Variants in DSCAML1 observed in about 807,000 individuals in gnomAD.
DSCAML1 encodes the protein DS cell adhesion molecule like 1, also known as cell adhesion molecule DSCAML1.
In DSCAML1, 38 loss-of-function variants were observed where a neutral mutation model predicts 200.5. The observed-to-expected ratio is 0.19, with a 90% CI of 0.15 to 0.25. The LOEUF (loss-of-function observed/expected upper bound fraction) is 0.25, where lower values mean the gene tolerates loss of function less well. Ranked by LOEUF, DSCAML1 falls within the 10% of genes least tolerant of loss-of-function variation. The pLI, the probability that DSCAML1 is intolerant of heterozygous loss-of-function variation, is 1.00. For synonymous variants in DSCAML1, 1,215 were observed against 1,165.0 expected, an observed-to-expected ratio of 1.04 and a Z score of -0.87; for missense variants, 2,223 against 2,858.8, an observed-to-expected ratio of 0.78 and a Z score of 5.07.
chr11:117,626,878 C>T (rs1341060706), intron 3 of DSCAML1, among the ~76,000 whole-genome samples: 1 of 152,086 alleles, frequency 6.6e-6, no homozygotes, highest in Non-Finnish European at 1.5e-5. Flanking sequence ...CTATGCTCCA[C>T]GGTGCCTGCC....
intron 3 of DSCAML1, among the ~76,000 whole-genome samples, chr11:117,597,670 GGT>G (rs905344114): frequency 6.6e-6 from 1 of 152,150 alleles, no homozygotes; most frequent in Non-Finnish European, 1.5e-5. Context: ...TGGCCAGGCT[GGT>G]CTCCAACTCC....
At chr11:117,449,355 C>T (rs2048240055) in intron 20 of DSCAML1, among the ~76,000 whole-genome samples, 3 of 152,016 alleles carry the variant, frequency 2.0e-5, no homozygotes, top group Admixed American at 2.0e-4. Context: ...GAGGTAGTGG[C>T]CGTGAGGATG....
intron 3 of DSCAML1, among the ~76,000 whole-genome samples, chr11:117,566,045 T>C (rs1375449838): frequency 6.6e-6 from 1 of 152,224 alleles, no homozygotes; most frequent in African/African-American, 2.4e-5. Flanking sequence ...TAGATAACAT[T>C]TGTAAGCACT....
At chr11:117,733,020 A>C (rs2054251233) in intron 3 of DSCAML1, among the ~76,000 whole-genome samples, 1 of 152,054 alleles carries the variant, frequency 6.6e-6, no homozygotes, top group Non-Finnish European at 1.5e-5. Context: ...TTTAGTCTGC[A>C]ATTAAAGACT....
chr11:117,730,151 A>AACAGGGGAGATACTGCTTTC (rs1437154480), intron 3 of DSCAML1, among the ~76,000 whole-genome samples: 1 of 152,170 alleles, frequency 6.6e-6, no homozygotes, highest in African/African-American at 2.4e-5. Context: ...GTGAGCTGAG[A>AACAGGGGAGATACTGCTTTC]CCATGCCACC....
At chr11:117,465,233 T>A (rs1181781710) in intron 16 of DSCAML1, 51 bp from the exon 17 acceptor site, 2 of 1,596,678 alleles carry the variant, frequency 1.3e-6, no homozygotes, top group African/African-American at 1.3e-5. Context: ...CACGCTGAGA[T>A]GATGCTCTTA....
chr11:117,583,568 G>A (rs1045352648), intron 3 of DSCAML1, among the ~76,000 whole-genome samples: 1 of 152,120 alleles, frequency 6.6e-6, no homozygotes, highest in Non-Finnish European at 1.5e-5. Context: ...CCTGCCACAA[G>A]CGCCATTACC....
chr11:117,563,728 G>T (rs1031526953), intron 3 of DSCAML1, among the ~76,000 whole-genome samples: 1 of 152,184 alleles, frequency 6.6e-6, no homozygotes. Context: ...GGAATTGATT[G>T]AGAAAATAGA....
rs1012078955 is a variant in DSCAML1 at position 117,489,673 on chromosome 11, A to C, written c.2360-7511T>G. Among the ~76,000 whole-genome samples the C allele has an allele frequency of 6.6e-6, 1 of 152,180 alleles. No individual in the cohort carries two copies. The highest frequency in any genetic ancestry group is 2.4e-5 in the African/African-American group (1 of 41,450). ...AGTTACAGTCCCCAGCACCTGCTAC[A>C]GTGCCTGGCACTGTGATGACCAAAT... On this transcript the variant is annotated intron_variant, in intron 11 of 32. Transcript: ENST00000651296. This position sits in a 1 kb window ranked among gnomAD's most constrained non-coding sequence, Gnocchi z 4.8.
Position 117,516,827 on chromosome 11 carries a change from C to A in DSCAML1, c.1511-88G>T, listed in dbSNP as rs2049778200. 1.3e-6 allele frequency: 2 copies of A among 1,482,086 alleles called. No individual in the cohort carries two copies. Among genetic ancestry groups the A allele is most frequent in the Non-Finnish European group, 1.8e-6 (2 of 1,107,192 alleles). The allele number at this position is 1,482,086 out of a possible 1,614,324, so 91.8% of individuals were successfully genotyped here. On this transcript the variant is annotated intron_variant, in intron 7 of 32. Coordinates refer to ENST00000651296, the MANE Select transcript of DSCAML1 (RefSeq NM_020693.4). This position sits in a 1 kb window ranked among gnomAD's most constrained non-coding sequence, Gnocchi z 5.7. ...CAGCCAGGCACCACCCTGCGGTGCT[C>A]TTCTCAGGCACTCGGCCCCTGAGAC...
At chr11:117,638,967 C>T (rs976744909) in intron 3 of DSCAML1, among the ~76,000 whole-genome samples, 15 of 152,184 alleles carry the variant, frequency 9.9e-5, no homozygotes, top group Non-Finnish European at 4.4e-5. Flanking sequence ...TCCAAAGTGG[C>T]TGCCCCATTT....
chr11:117,530,321 G>A (rs113285776), intron 4 of DSCAML1, among the ~76,000 whole-genome samples: 1 of 152,260 alleles, frequency 6.6e-6, no homozygotes, highest in African/African-American at 2.4e-5. Context: ...AATATTCACG[G>A]AGGAGAAGGG....
intron 3 of DSCAML1, among the ~76,000 whole-genome samples, chr11:117,593,411 C>A (rs756079182): frequency 7.2e-5 from 11 of 152,334 alleles, no homozygotes; most frequent in Admixed American, 1.3e-4. Flanking sequence ...GGCTGCTGTG[C>A]GGCCTCCCTC....
intron 20 of DSCAML1, 76 bp from the exon 21 acceptor site, chr11:117,444,115 G>C (rs2048127794): frequency 6.7e-7 from 1 of 1,501,016 alleles, no homozygotes; most frequent in Middle Eastern, 2.3e-4. Flanking sequence ...TCAGTGCCCG[G>C]GGCTCAGAGG....
intron 3 of DSCAML1, among the ~76,000 whole-genome samples, chr11:117,652,127 G>A (rs1007107229): frequency 9.9e-5 from 15 of 152,162 alleles, no homozygotes; most frequent in Non-Finnish European, 1.5e-4. Flanking sequence ...TGGACTTATC[G>A]AGATCCAGCT....
chr11:117,502,774 G>A (rs977687522), intron 11 of DSCAML1, among the ~76,000 whole-genome samples: 3 of 152,088 alleles, frequency 2.0e-5, no homozygotes, highest in Non-Finnish European at 2.9e-5. Flanking sequence ...TTACCATACC[G>A]GTTGCTTCAC....
chr11:117,707,700 A>AT (rs369834959), intron 3 of DSCAML1, among the ~76,000 whole-genome samples: 1,675 of 151,496 alleles, frequency 0.011, 18 homozygotes, highest in East Asian at 0.04. Context: ...TGCCCAGCTA[A>AT]TTTTTTGTAT....
chr11:117,613,346 A>AGCAGGTGG (rs1174913431), intron 3 of DSCAML1, among the ~76,000 whole-genome samples: 3 of 152,288 alleles, frequency 2.0e-5, no homozygotes, highest in Admixed American at 1.3e-4. Context: ...AAATCTGGGA[A>AGCAGGTGG]GACTCCCTGG....
intron 3 of DSCAML1, among the ~76,000 whole-genome samples, chr11:117,740,819 A>G (rs565785889): frequency 4.6e-5 from 7 of 152,370 alleles, no homozygotes; most frequent in African/African-American, 1.4e-4. Flanking sequence ...TTGTTGCTGC[A>G]CACTCGCATC....
Sources: gnomAD v4.1 joint callset for allele counts (sites outside exome capture counted in the v4.1 genomes callset) on GRCh38, gnomAD v4.1.1 for gene constraint, Gnocchi (gnomAD v3.1) non-coding constraint, MANE v1.5 for transcripts, NCBI Gene and HGNC (gene_info 2026-07-23, HGNC 2026-07-21) for gene names.